Variants in EML6 observed in about 807,000 individuals in gnomAD.
EML6 encodes the protein echinoderm microtubule-associated protein-like 6.
Under a neutral mutation model 240.1 loss-of-function variants are expected in EML6, and 154 were observed. The ratio of observed to expected loss-of-function variants is 0.64; its 90% CI spans 0.56 to 0.73. The LOEUF is 0.73. Ranked by LOEUF, EML6 falls within the 30% of genes least tolerant of loss-of-function variation. The pLI, the probability that EML6 is intolerant of heterozygous loss-of-function variation, is 0.00. For missense variants in EML6, 2,964 were observed against 2,474.6 expected (o/e 1.20, Z -4.20); for synonymous variants, 1,148 against 899.0 (o/e 1.28, Z -4.95).
chr2:54,853,069 A>C (rs990916687), intron 10 of EML6, among the ~76,000 whole-genome samples: 4 of 152,192 alleles, frequency 2.6e-5, no homozygotes, highest in Non-Finnish European at 5.9e-5. Flanking sequence ...AATAATATTC[A>C]CTAATTTTTT....
chr2:54,928,145 G>GA (rs770443728), intron 26 of EML6, among the ~76,000 whole-genome samples, 168 bp from the exon 27 acceptor site: 1 of 152,146 alleles, frequency 6.6e-6, no homozygotes, highest in African/African-American at 2.4e-5. Context: ...ACTGTTTGAA[G>GA]AAAAAAGAGA....
chr2:54,954,162 C>T lies in EML6; in HGVS notation c.4486+6C>T, dbSNP rs1183268121. The T allele has an allele frequency of 7.7e-6, 12 of 1,549,824 alleles. No individual in the cohort carries two copies. Among genetic ancestry groups the T allele is most frequent in the Middle Eastern group, 1.7e-4 (1 of 5,854 alleles). Reference sequence around the variant, plus strand: ...TGTCTGGCGATGGCAGGAAGGTAAACCAGCACTGGGCTTTCTGTCCCTCCA... The same window carrying T: ...TGTCTGGCGATGGCAGGAAGGTAAATCAGCACTGGGCTTTCTGTCCCTCCA... On this transcript the variant is annotated splice_donor_region_variant and intron_variant, in intron 32 of 41. Transcript: ENST00000356458.
intron 21 of EML6, among the ~76,000 whole-genome samples, chr2:54,897,617 G>C (rs1462456684): frequency 6.6e-6 from 1 of 152,064 alleles, no homozygotes; most frequent in Non-Finnish European, 1.5e-5. Context: ...GCTATGGGGT[G>C]GCTGGTTGAG....
intron 39 of EML6, among the ~76,000 whole-genome samples, chr2:54,967,499 C>T (rs766122442): frequency 7.9e-5 from 12 of 152,148 alleles, no homozygotes; most frequent in Non-Finnish European, 1.5e-4. Context: ...GAAAAGAGAC[C>T]ATTTAGTCTG....
Position 54,823,850 on chromosome 2 carries a change from T to TTCTCTCTCTCTCTCTCTCTCTCTCTC in EML6, c.525+3390_525+3415dup, listed in dbSNP as rs147852134. On this transcript the variant is annotated intron_variant, in intron 5 of 41. Coordinates refer to ENST00000356458, the MANE Select transcript of EML6 (RefSeq NM_001039753.4). ...GGCTGAATTAATATTCATTCATTCA[T>TTCTCTCTCTCTCTCTCTCTCTCTCTC]TCTCTCTCTCTCTCTCTCTCTCTCT... Among the ~76,000 whole-genome samples the TTCTCTCTCTCTCTCTCTCTCTCTCTC allele has an allele frequency of 1.6e-3, 115 of 72,268 alleles. 3 individuals are homozygous for TTCTCTCTCTCTCTCTCTCTCTCTCTC. The highest frequency in any genetic ancestry group is 4.9e-3 in the African/African-American group (91 of 18,416). The allele number at this position is 72,268 out of a possible 152,430, so 47.4% of individuals were successfully genotyped here.
At chr2:54,927,432 C>G (rs983974128) in intron 26 of EML6, among the ~76,000 whole-genome samples, 9 of 152,214 alleles carry the variant, frequency 5.9e-5, no homozygotes, top group African/African-American at 1.7e-4. Context: ...CTGTCACAAC[C>G]TCAGAGAGTG....
Position 54,970,868 on chromosome 2 carries a change from G to C in EML6, c.*773G>C, listed in dbSNP as rs1303305483. The C allele has an allele frequency of 6.6e-6, 1 of 152,350 alleles. No individual in the cohort carries two copies. Among genetic ancestry groups the C allele is most frequent in the South Asian group, 2.1e-4 (1 of 4,826 alleles). 9.4% of individuals were successfully genotyped at this position (152,350 alleles called of 1,614,324 possible). ...TGAAAGACATCGGTTACCTGCTTAT[G>C]GGAAGGTGAGCAGCAAAGGAATTGA... is the stretch of plus-strand genomic sequence containing the variant. On this transcript the variant is annotated 3_prime_UTR_variant, in exon 42 of 42. Transcript: ENST00000356458.
intron 2 of EML6, among the ~76,000 whole-genome samples, chr2:54,776,861 C>A (rs898949712): frequency 6.6e-6 from 1 of 152,102 alleles, no homozygotes; most frequent in Non-Finnish European, 1.5e-5. Context: ...GAGGGACTGA[C>A]TTCATTGGGA....
intron 26 of EML6, among the ~76,000 whole-genome samples, chr2:54,927,504 C>A (rs776727798): frequency 6.6e-6 from 1 of 152,184 alleles, no homozygotes; most frequent in Admixed American, 6.5e-5. Flanking sequence ...TGGAAAAACT[C>A]CATGTCTTTA....
At chr2:54,775,710 C>T (rs1476149614) in intron 2 of EML6, among the ~76,000 whole-genome samples, 1 of 152,168 alleles carries the variant, frequency 6.6e-6, no homozygotes, top group Non-Finnish European at 1.5e-5. Flanking sequence ...TTCAAGCATG[C>T]ACTCCACAAA....
intron 2 of EML6, among the ~76,000 whole-genome samples, chr2:54,767,209 G>A (rs1668218765): frequency 6.6e-6 from 1 of 152,036 alleles, no homozygotes; most frequent in South Asian, 2.1e-4. Flanking sequence ...ATTAACTGAT[G>A]CAACATAAAC....
chr2:54,900,593 T>C (rs931548334), intron 22 of EML6, among the ~76,000 whole-genome samples: 3 of 152,154 alleles, frequency 2.0e-5, no homozygotes, highest in African/African-American at 7.2e-5. Context: ...CCACGACTGA[T>C]AGCAGGGGAC....
chr2:54,812,853 AT>A (rs1375393889), intron 2 of EML6, among the ~76,000 whole-genome samples: 1 of 152,212 alleles, frequency 6.6e-6, no homozygotes. Context: ...TAGTAACAAC[AT>A]TTAAAAAAAA....
At chr2:54,796,829 G>A (rs1163822822) in intron 2 of EML6, among the ~76,000 whole-genome samples, 3 of 152,060 alleles carry the variant, frequency 2.0e-5, no homozygotes, top group Non-Finnish European at 2.9e-5. Flanking sequence ...AGGGTTAAGT[G>A]CAGGAGTAAA....
chr2:54,744,939 C>T (rs1267955106), intron 2 of EML6, among the ~76,000 whole-genome samples: 1 of 150,924 alleles, frequency 6.6e-6, no homozygotes, highest in East Asian at 2.0e-4. Flanking sequence ...CACACACACA[C>T]ACACACACAC....
intron 7 of EML6, among the ~76,000 whole-genome samples, chr2:54,838,499 C>T (rs774178347): frequency 8.7e-4 from 133 of 152,184 alleles, no homozygotes; most frequent in Non-Finnish European, 1.7e-3. Context: ...ATATATTTAA[C>T]TGTTCAAAAT....
chr2:54,834,661 G>C (rs1037979744), intron 7 of EML6, among the ~76,000 whole-genome samples: 3 of 152,140 alleles, frequency 2.0e-5, no homozygotes, highest in African/African-American at 7.2e-5. Flanking sequence ...TATTTATTGA[G>C]TTGTTGCTGT....
chr2:54,885,760 A>C (rs915078361), intron 17 of EML6, among the ~76,000 whole-genome samples: 8 of 151,352 alleles, frequency 5.3e-5, no homozygotes, highest in African/African-American at 1.5e-4. Context: ...TACAGGCGCC[A>C]GCCACCGCGC....
Position 54,968,085 on chromosome 2 carries a change from C to T in EML6, c.5598-43C>T, listed in dbSNP as rs1168677318. ...GATGACTGACTGCAAGGAGCCTTCG[C>T]CGTGACTTCCTTCTATCCTAACCCC... On this transcript the variant is annotated intron_variant, in intron 39 of 41. Transcript: ENST00000356458. 10 of 1,541,588 alleles carry T rather than the reference C, an allele frequency of 6.5e-6. No homozygotes were observed. The East Asian group carries it at 2.0e-4, about 30-fold the overall frequency.
Sources: gnomAD v4.1 joint callset for allele counts (sites outside exome capture counted in the v4.1 genomes callset) on GRCh38, gnomAD v4.1.1 for gene constraint, MANE v1.5 for transcripts, NCBI Gene and HGNC (gene_info 2026-07-23, HGNC 2026-07-21) for gene names.